KNOP1: variants seen among roughly 807,000 people sequenced by gnomAD.
KNOP1 encodes the protein lysine-rich nucleolar protein 1.
A neutral mutation model predicts 30.6 loss-of-function variants in KNOP1; 20 were observed. That is an observed-to-expected ratio of 0.65 (90% confidence interval 0.46 to 0.95). The LOEUF (loss-of-function observed/expected upper bound fraction) is 0.95, where lower values mean the gene tolerates loss of function less well. Among genes scored for constraint, KNOP1 ranks in the 40% least tolerant of loss-of-function variants. KNOP1 has a pLI of 0.00. For synonymous variants in KNOP1, 204 were observed against 210.0 expected (o/e 0.97, Z 0.25); for missense variants, 540 against 562.0 (o/e 0.96, Z 0.40).
Position 19,714,905 on chromosome 16 carries a change from A to C in KNOP1, c.131T>G (p.Leu44Ter), listed in dbSNP as rs1258767217. Reference protein sequence around the residue: ...NDDYFADVSPLRATSPSKSVA... With the variant: ...NDDYFADVSP Reference sequence around the variant, plus strand: ...ACTCTTAGAGGGGGATGTAGCTCTTAAAGGAGAAACATCAGCAAAGTAATC... The same window carrying C: ...ACTCTTAGAGGGGGATGTAGCTCTTCAAGGAGAAACATCAGCAAAGTAATC... The change falls in exon 2 of 5, where the codon TTA becomes TGA. Residue 44 changes from leucine to a stop codon, truncating the protein, a stop_gained. Coordinates refer to ENST00000219837, the MANE Select transcript of KNOP1 (RefSeq NM_001012991.3). LOFTEE classifies it high-confidence loss of function. 3.1e-6 allele frequency: 5 copies of C among 1,613,764 alleles called. No individual in the cohort carries two copies. Among genetic ancestry groups the C allele is most frequent in the Non-Finnish European group, 2.5e-6 (3 of 1,179,940 alleles).
chr16:19,716,715 T>A (rs1318271562), intron 1 of KNOP1, among the ~76,000 whole-genome samples: 2 of 152,166 alleles, frequency 1.3e-5, no homozygotes, highest in Non-Finnish European at 2.9e-5. Context: ...TCAACCCTGG[T>A]CCCAAAATAG....
Position 19,705,117 on chromosome 16 carries a change from G to A in KNOP1, c.*1793C>T, listed in dbSNP as rs757141923. ...TTTTCTTCCTCTGGAATGTTCTAGG[G>A]TCTTGATATGCTGCCTGGAACTGTT... On this transcript the variant is annotated 3_prime_UTR_variant, in exon 5 of 5. Coordinates refer to ENST00000219837, the MANE Select transcript of KNOP1 (RefSeq NM_001012991.3). The A allele has an allele frequency of 1.8e-5, 8 of 455,594 alleles. No individual in the cohort carries two copies. Among genetic ancestry groups the A allele is most frequent in the Non-Finnish European group, 3.1e-5 (7 of 226,630 alleles). The allele number at this position is 455,594 out of a possible 1,614,324, so 28.2% of individuals were successfully genotyped here. A position where few individuals can be genotyped will look rare whatever the true frequency, so the allele number is the denominator to read the frequency against.
At position 19,702,285 on chromosome 16, in the gene KNOP1, A is replaced by C. The variant is rs1156288430; in HGVS notation, c.*4625T>G. 2 of 152,248 alleles carry C rather than the reference A, an allele frequency of 1.3e-5. No homozygotes were observed. Among genetic ancestry groups the C allele is most frequent in the African/African-American group, 4.8e-5 (2 of 41,474 alleles). The allele number at this position is 152,248 out of a possible 1,614,324, so 9.4% of individuals were successfully genotyped here. A position where few individuals can be genotyped will look rare whatever the true frequency, so the allele number is the denominator to read the frequency against. On this transcript the variant is annotated 3_prime_UTR_variant, in exon 5 of 5. Coordinates refer to ENST00000219837, the MANE Select transcript of KNOP1 (RefSeq NM_001012991.3). ...GCGTAAGCCACCGCACCTGGCCCACAGAAGTATTTTCATTAAAATTATTTT... is the reference window on the plus strand; with the variant it reads ...GCGTAAGCCACCGCACCTGGCCCACCGAAGTATTTTCATTAAAATTATTTT...
chr16:19,706,568 A>C lies in KNOP1; in HGVS notation c.*342T>G. The C allele has an allele frequency of 3.4e-6, 1 of 294,802 alleles. No individual in the cohort carries two copies. Among genetic ancestry groups the C allele is most frequent in the South Asian group, 3.9e-5 (1 of 25,534 alleles). The allele number at this position is 294,802 out of a possible 1,614,324, so 18.3% of individuals were successfully genotyped here. ...AACAGGGACGGAATGTTTAACACAG[A>C]AAACAGGAGGTTTTAGCACTCACTC... On this transcript the variant is annotated 3_prime_UTR_variant, in exon 5 of 5. Transcript: ENST00000219837.
chr16:19,709,301 G>A (rs545591508), intron 4 of KNOP1, among the ~76,000 whole-genome samples: 151 of 152,310 alleles, frequency 9.9e-4, no homozygotes, highest in African/African-American at 3.5e-3. Context: ...ATGCTCTGAC[G>A]GAGCCTGAAG....
At chr16:19,711,789 C>T in intron 2 of KNOP1, 1 of 335,950 alleles carries the variant, frequency 3.0e-6, no homozygotes, top group South Asian at 3.1e-5. Context: ...ACACACGTCA[C>T]CTACCTCCTA....
Position 19,714,383 on chromosome 16 carries a change from A to AT in KNOP1, c.652dup (p.Ile218AsnfsTer23), listed in dbSNP as rs764099275. 1.2e-4 allele frequency: 186 copies of AT among 1,587,222 alleles called. No homozygotes were observed. Among genetic ancestry groups the AT allele is most frequent in the Admixed American group, 1.4e-4 (8 of 58,552 alleles). On this transcript the variant is annotated frameshift_variant, in exon 2 of 5. Transcript: ENST00000219837. LOFTEE classifies it high-confidence loss of function. Reference sequence around the variant, plus strand: ...TGGGAGGGCATCTCCCTCCTGGTGGATTTTTTTTTTCTTCTTCACCTTCCC... The same window carrying AT: ...TGGGAGGGCATCTCCCTCCTGGTGGATTTTTTTTTTTCTTCTTCACCTTCCC...
chr16:19,714,778 G>A lies in KNOP1; in HGVS notation c.258C>T (p.Thr86=). The A allele has an allele frequency of 6.2e-7, 1 of 1,614,180 alleles. No individual in the cohort carries two copies. Among genetic ancestry groups the A allele is most frequent in the Admixed American group, 1.7e-5 (1 of 60,020 alleles). ...TLCEEHVEPE[T]TLPARRTEKS... ...TCTCTGTCCGTCTAGCAGGCAGCGT[G>A]GTCTCAGGTTCTACATGCTCCTCGC... Residue 86 remains threonine (T), a synonymous_variant, in exon 2 of 5, where the codon ACC becomes ACT. Transcript: ENST00000219837.
At chr16:19,711,875 T>C (rs74611847) in intron 2 of KNOP1, 23 of 186,398 alleles carry the variant, frequency 1.2e-4, no homozygotes, top group African/African-American at 5.1e-4. Flanking sequence ...GCCTTGGCCC[T>C]GAAGACACCC....
intron 3 of KNOP1, 93 bp from the exon 4 acceptor site, chr16:19,710,679 C>T (rs966779424): frequency 8.0e-6 from 8 of 1,003,120 alleles, no homozygotes; most frequent in Admixed American, 5.3e-5. Flanking sequence ...GGGAACGGAA[C>T]GTGGGAGGAA....
chr16:19,710,437 T>G (rs1342645598), intron 4 of KNOP1, 72 bp downstream of exon 4: 1 of 1,480,932 alleles, frequency 6.8e-7, no homozygotes, highest in Admixed American at 1.7e-5. Context: ...CCACTCCTCA[T>G]GCTGGAGGCG....
chr16:19,709,612 G>A (rs1050601243), intron 4 of KNOP1, among the ~76,000 whole-genome samples: 7 of 152,256 alleles, frequency 4.6e-5, no homozygotes, highest in East Asian at 3.9e-4. Context: ...CCGCAGTGCC[G>A]CCTCACTGGC....
intron 2 of KNOP1, among the ~76,000 whole-genome samples, chr16:19,712,892 A>C (rs1157900638): frequency 6.6e-6 from 1 of 152,132 alleles, no homozygotes; most frequent in African/African-American, 2.4e-5. Context: ...CTGGGGAGCC[A>C]CCAGCCCTCC....
chr16:19,715,056 C>A lies in KNOP1; in HGVS notation c.-2-19G>T. On this transcript the variant is annotated intron_variant, in intron 1 of 4. Coordinates refer to ENST00000219837, the MANE Select transcript of KNOP1 (RefSeq NM_001012991.3). Reference sequence around the variant, plus strand: ...ATCATTCCTGAAAAAACAAATGGTACAAGTTATCCCATACCAAGCCATCCT... The same window carrying A: ...ATCATTCCTGAAAAAACAAATGGTAAAAGTTATCCCATACCAAGCCATCCT... 6.6e-7 allele frequency: 1 copy of A among 1,512,616 alleles called. No homozygotes were observed. The highest frequency in any genetic ancestry group is 8.8e-7 in the Non-Finnish European group (1 of 1,133,650). 93.7% of individuals were successfully genotyped at this position (1,512,616 alleles called of 1,614,324 possible). A position where few individuals can be genotyped will look rare whatever the true frequency, so the allele number is the denominator to read the frequency against.
chr16:19,710,446 C>T (rs182884286), intron 4 of KNOP1, 63 bp downstream of exon 4: 18 of 1,527,518 alleles, frequency 1.2e-5, no homozygotes, highest in Admixed American at 3.3e-5. Flanking sequence ...ATGCTGGAGG[C>T]GAGGGGAAGC....
chr16:19,718,101 T>G, intron 1 of KNOP1, 57 bp downstream of exon 1: 1 of 1,433,456 alleles, frequency 7.0e-7, no homozygotes, highest in Admixed American at 2.8e-5. Flanking sequence ...GCGCACTTCC[T>G]CTGGTGCAAT....
rs1326830487 is a variant in KNOP1, at chr16:19,710,585, A to G, written c.989T>C (p.Val330Ala). The change falls in exon 4 of 5, where the codon GTG becomes GCG. Residue 330 changes from valine to alanine, a missense_variant and splice_region_variant. Transcript: ENST00000219837. ...CTCTTCTTGCAAGGCCTTTCGCCTC[A>G]CCTGAGCAAGAAGGATGACAGAAGA... ...GNMDEAHIDQ[V>A]RRKALQEEID... The G allele has an allele frequency of 6.2e-7, 1 of 1,611,860 alleles. No homozygotes were observed. Among genetic ancestry groups the G allele is most frequent in the African/African-American group, 1.3e-5 (1 of 74,872 alleles).
chr16:19,716,639 G>A (rs1163186080), intron 1 of KNOP1: 1 of 152,210 alleles, frequency 6.6e-6, no homozygotes, highest in Non-Finnish European at 1.5e-5. Flanking sequence ...AACAGAACAA[G>A]CCTGAGACAA....
At chr16:19,711,027 TCTC>T (rs771580156) in intron 3 of KNOP1, among the ~76,000 whole-genome samples, 45 of 152,086 alleles carry the variant, frequency 3.0e-4, no homozygotes, top group Non-Finnish European at 4.7e-4. Context: ...CAACAAAACT[TCTC>T]CTCTAAATGC....
Sources: allele counts gnomAD v4.1 joint callset (sites outside exome capture counted in the v4.1 genomes callset), GRCh38; gene constraint gnomAD v4.1.1; transcripts MANE v1.5; gene names NCBI Gene and HGNC (gene_info 2026-07-23, HGNC 2026-07-21).